The following NCAPH2 variants were observed in gnomAD, a reference collection of about 807,000 sequenced individuals.
NCAPH2 encodes the protein non-SMC condensin II complex subunit H2, also known as condensin-2 complex subunit H2.
NCAPH2 carries 56 observed loss-of-function variants against 88.6 expected under a neutral mutation model. The ratio of observed to expected loss-of-function variants is 0.63; its 90% CI spans 0.51 to 0.79. The LOEUF is 0.79. NCAPH2 is among the 30% of genes least tolerant of loss of function. The pLI is 0.00. For synonymous variants in NCAPH2, 378 were observed against 313.6 expected, an observed-to-expected ratio of 1.21 and a Z score of -2.17; for missense variants, 794 against 792.0, an observed-to-expected ratio of 1.00 and a Z score of -0.03.
chr22:50,522,743 C>CGGGGA (rs756211337), intron 17 of NCAPH2, 23 bp downstream of exon 17: 5 of 1,605,936 alleles, frequency 3.1e-6, no homozygotes, highest in South Asian at 2.2e-5. Flanking sequence ...TAGAGGGAGA[C>CGGGGA]GGGGAGGGGA....
Position 50,524,591 on chromosome 22 carries a change from ACATCCACACCTGGG to A in NCAPH2, c.*1219_*1232del. On this transcript the variant is annotated 3_prime_UTR_variant, in exon 20 of 20. Coordinates refer to ENST00000420993, the MANE Select transcript of NCAPH2 (RefSeq NM_152299.4). ...GAGCTCAGAACTCCACCTCCACCAA[ACATCCACACCTGGG>A]CAACCACACCTGTCACTCCTGTCCT... The A allele has an allele frequency of 1.4e-6, 1 of 724,926 alleles. No homozygotes were observed. Among genetic ancestry groups the A allele is most frequent in the South Asian group, 1.5e-5 (1 of 66,968 alleles). The allele number at this position is 724,926 out of a possible 1,614,324, so 44.9% of individuals were successfully genotyped here.
rs2069229292 is a variant in NCAPH2, at chr22:50,524,287, C to A, written c.*912C>A. 6.2e-7 allele frequency: 1 copy of A among 1,603,434 alleles called. No homozygotes were observed. Among genetic ancestry groups the A allele is most frequent in the East Asian group, 2.2e-5 (1 of 44,872 alleles). ...GCCCTGCCCACCTGTCTCTGCAGGG[C>A]CCTGCCTTGACAAAAGCCAGGACCT... is the stretch of plus-strand genomic sequence containing the variant. On this transcript the variant is annotated 3_prime_UTR_variant, in exon 20 of 20. Transcript: ENST00000420993.
At position 50,524,723 on chromosome 22, in the gene NCAPH2, A is replaced by G. The variant is rs1249280464; in HGVS notation, c.*1348A>G. The G allele has an allele frequency of 3.3e-6, 2 of 601,336 alleles. No individual in the cohort carries two copies. The highest frequency in any genetic ancestry group is 6.4e-6 in the Non-Finnish European group (2 of 311,284). The allele number at this position is 601,336 out of a possible 1,614,324, so 37.3% of individuals were successfully genotyped here. On this transcript the variant is annotated 3_prime_UTR_variant, in exon 20 of 20. Coordinates refer to ENST00000420993, the MANE Select transcript of NCAPH2 (RefSeq NM_152299.4). ...TGCTGACGGAAAGCATTCCAAGTGC[A>G]TGCCTTGCCTGAACTAACCACGTTA...
At chr22:50,521,319 C>CCTT (rs1191905260) in intron 10 of NCAPH2, among the ~76,000 whole-genome samples, 31 of 62,242 alleles carry the variant, frequency 5.0e-4, no homozygotes, top group Non-Finnish European at 9.8e-4. Context: ...CCCTACTCCT[C>CCTT]TGGGAGGGTG....
intron 1 of NCAPH2, 66 bp downstream of exon 1, chr22:50,508,511 G>C: frequency 1.1e-6 from 1 of 951,158 alleles, no homozygotes; most frequent in Non-Finnish European, 1.4e-6. Context: ...GGGGCTCCGG[G>C]CCCGGGGCTG....
Position 50,523,590 on chromosome 22 carries a change from T to TG in NCAPH2, c.*219dup. The TG allele has an allele frequency of 6.2e-7, 1 of 1,612,060 alleles. No individual in the cohort carries two copies. On this transcript the variant is annotated 3_prime_UTR_variant, in exon 20 of 20. Transcript: ENST00000420993. ...AGATTAAACGCAGCCCGTTTAATGA[T>TG]GGGGCCCAGACTGCAGTGGCTCAAG...
chr22:50,513,197 C>G (rs937433616), intron 1 of NCAPH2, among the ~76,000 whole-genome samples: 1 of 152,268 alleles, frequency 6.6e-6, no homozygotes, highest in Non-Finnish European at 1.5e-5. Context: ...AGAATCCAGC[C>G]TCCACCCCTG....
At chr22:50,512,772 C>T (rs1382950652) in intron 1 of NCAPH2, among the ~76,000 whole-genome samples, 3 of 152,000 alleles carry the variant, frequency 2.0e-5, no homozygotes, top group Non-Finnish European at 2.9e-5. Flanking sequence ...TCTCAAACTC[C>T]CAAGCTCAAG....
chr22:50,508,767 T>C (rs45529631), intron 1 of NCAPH2, among the ~76,000 whole-genome samples: 1,962 of 152,366 alleles, frequency 0.013, 20 homozygotes, highest in Non-Finnish European at 0.02. Context: ...ATTGCAGTTA[T>C]TGCGAGCATG....
chr22:50,512,549 T>G (rs6010130), intron 1 of NCAPH2, among the ~76,000 whole-genome samples: 20,135 of 150,512 alleles, frequency 0.13, 3,369 homozygotes, highest in African/African-American at 0.4. Flanking sequence ...CTTTGTTTTT[T>G]TTTTTTTGTT....
chr22:50,519,161 A>C (rs2069011090), intron 8 of NCAPH2, 29 bp from the exon 9 acceptor site: 2 of 1,579,436 alleles, frequency 1.3e-6, no homozygotes, highest in Non-Finnish European at 1.7e-6. Flanking sequence ...CACTCCTTGG[A>C]GCTGATCACT....
chr22:50,516,103 C>T (rs1266582227), intron 1 of NCAPH2, among the ~76,000 whole-genome samples: 2 of 152,166 alleles, frequency 1.3e-5, no homozygotes, highest in Non-Finnish European at 2.9e-5. Flanking sequence ...TTTCCTACCC[C>T]TGAGGTTCCC....
intron 1 of NCAPH2, among the ~76,000 whole-genome samples, chr22:50,513,256 C>T (rs1175328521): frequency 1.3e-5 from 2 of 152,254 alleles, no homozygotes; most frequent in Non-Finnish European, 2.9e-5. Flanking sequence ...AGGTGGCTAA[C>T]GCCTGTGATC....
At chr22:50,517,146 C>T (rs2068946915) in intron 2 of NCAPH2, among the ~76,000 whole-genome samples, 1 of 152,236 alleles carries the variant, frequency 6.6e-6, no homozygotes, top group Non-Finnish European at 1.5e-5. Context: ...ACTGTGGGAA[C>T]CACAGTGCTG....
intron 1 of NCAPH2, among the ~76,000 whole-genome samples, chr22:50,516,202 T>A (rs994919041): frequency 6.6e-6 from 1 of 152,198 alleles, no homozygotes; most frequent in Non-Finnish European, 1.5e-5. Flanking sequence ...CCTGGTTGTT[T>A]GTAGACAGTG....
chr22:50,508,952 T>G (rs2068707869), intron 1 of NCAPH2, among the ~76,000 whole-genome samples: 1 of 152,208 alleles, frequency 6.6e-6, no homozygotes, highest in East Asian at 1.9e-4. Context: ...TGCGCTTCAT[T>G]TTTACTCCTC....
rs150429430 is a variant in NCAPH2, at chr22:50,523,285, C to T, written c.1728C>T (p.Ala576=). Residue 576 remains alanine (A), a synonymous_variant, in exon 20 of 20, where the codon GCC becomes GCT. Transcript: ENST00000420993. ...EITQQPGLEM[A]VDTMSLRLLT... The stretch of plus-strand genomic sequence containing the variant: ...CCCAGCAGCCCGGGCTGGAGATGGC[C>T]GTGGACACCATGTCCCTGAGACTGC... 1.6e-4 allele frequency: 250 copies of T among 1,606,950 alleles called. No individual in the cohort carries two copies. The African/African-American group carries it at 3.1e-3, about 20-fold the overall frequency.
At chr22:50,511,647 A>ATTT (rs131821) in intron 1 of NCAPH2, among the ~76,000 whole-genome samples, 3 of 127,658 alleles carry the variant, frequency 2.4e-5, no homozygotes, top group Non-Finnish European at 4.6e-5. Flanking sequence ...CGCCTGGCTA[A>ATTT]TTTTTTTTTT....
chr22:50,518,646 C>A lies in NCAPH2; in HGVS notation c.647-3C>A, dbSNP rs764623980. The A allele has an allele frequency of 6.2e-7, 1 of 1,604,264 alleles. No individual in the cohort carries two copies. Among genetic ancestry groups the A allele is most frequent in the East Asian group, 2.2e-5 (1 of 44,640 alleles). On this transcript the variant is annotated splice_polypyrimidine_tract_variant and splice_region_variant and intron_variant, in intron 7 of 19. Transcript: ENST00000420993. ...GACCTTGTCTGATCCCTGTCTCTCC[C>A]AGACACCGGGAGGACTGAGGAGCAG... is the stretch of plus-strand genomic sequence containing the variant.
Sources: gnomAD v4.1 joint callset for allele counts (sites outside exome capture counted in the v4.1 genomes callset) on GRCh38, gnomAD v4.1.1 for gene constraint, MANE v1.5 for transcripts, NCBI Gene and HGNC (gene_info 2026-07-23, HGNC 2026-07-21) for gene names.